EEA1: variants seen among roughly 807,000 people sequenced by gnomAD.
EEA1 encodes early endosome antigen 1, 162kD.
A neutral mutation model predicts 209.2 loss-of-function variants in EEA1; 111 were observed. That is an observed-to-expected ratio of 0.53 (90% confidence interval 0.45 to 0.62). The LOEUF (loss-of-function observed/expected upper bound fraction) is 0.62, where lower values mean the gene tolerates loss of function less well. Among genes scored for constraint, EEA1 ranks in the 20% least tolerant of loss-of-function variants. The pLI, the probability that EEA1 is intolerant of heterozygous loss-of-function variation, is 0.00. For synonymous variants in EEA1, 536 were observed against 540.6 expected, an observed-to-expected ratio of 0.99 and a Z score of 0.12; for missense variants, 1,343 against 1,530.8, an observed-to-expected ratio of 0.88 and a Z score of 2.05.
chr12:92,819,763 A>G (rs1875962248), intron 13 of EEA1, among the ~76,000 whole-genome samples: 1 of 152,062 alleles, frequency 6.6e-6, no homozygotes, highest in Non-Finnish European at 1.5e-5. Context: ...TAACACTCTA[A>G]TATGACCTCC....
chr12:92,863,034 A>G (rs1878220078), intron 3 of EEA1, among the ~76,000 whole-genome samples: 1 of 152,222 alleles, frequency 6.6e-6, no homozygotes, highest in Non-Finnish European at 1.5e-5. Context: ...ATGGTTTAGG[A>G]GGAAGTTATG....
intron 11 of EEA1, among the ~76,000 whole-genome samples, chr12:92,829,235 C>T (rs111701338): frequency 0.017 from 2,581 of 151,318 alleles, 32 homozygotes; most frequent in East Asian, 0.041. Flanking sequence ...TGAACCCGGG[C>T]GGCAGAGGTT....
intron 13 of EEA1, among the ~76,000 whole-genome samples, chr12:92,823,243 C>A (rs763937820): frequency 6.6e-6 from 1 of 152,116 alleles, no homozygotes; most frequent in Non-Finnish European, 1.5e-5. Context: ...CCTTCAATAC[C>A]TTTCCATCTT....
At chr12:92,811,094 G>A (rs1875473800) in intron 17 of EEA1, among the ~76,000 whole-genome samples, 185 bp downstream of exon 17, 1 of 151,974 alleles carries the variant, frequency 6.6e-6, no homozygotes, top group Non-Finnish European at 1.5e-5. Context: ...CATTAAGGGA[G>A]ACATTAAAAA....
At chr12:92,847,142 G>C (rs923704191) in intron 9 of EEA1, among the ~76,000 whole-genome samples, 2 of 152,082 alleles carry the variant, frequency 1.3e-5, no homozygotes, top group Admixed American at 6.6e-5. Flanking sequence ...TTTTAGTAGA[G>C]ACAGGGTTTC....
At position 92,890,448 on chromosome 12, in the gene EEA1, G is replaced by A. The variant is rs971278369; in HGVS notation, c.117+1181C>T. ...TTCCTATTTTCTCAGTTATATATAC[G>A]GTGACTGAGAGAAGGTTAAAAAGAG... On this transcript the variant is annotated intron_variant, in intron 2 of 28. Coordinates refer to ENST00000322349, the MANE Select transcript of EEA1 (RefSeq NM_003566.4). Among the ~76,000 whole-genome samples the A allele has an allele frequency of 3.9e-5, 6 of 152,040 alleles. No homozygotes were observed. The East Asian group carries it at 5.8e-4, about 15-fold the overall frequency.
intron 10 of EEA1, among the ~76,000 whole-genome samples, chr12:92,839,821 GGGCAGCAAATTACCCTGAAACTTCAT>G (rs1316313993): frequency 7.2e-5 from 11 of 152,276 alleles, no homozygotes; most frequent in Admixed American, 2.6e-4. Flanking sequence ...TGCTTGCCAA[GGGCAGCAAATTACCCTGAAACTTCAT>G]GGCAGCAAAT....
Position 92,774,389 on chromosome 12 carries a change from T to C in EEA1, c.*1622A>G, listed in dbSNP as rs80187269. ...CTTTAGTTTACATACACTGTAGGTA[T>C]AGCATGAATATAATTTCATTTCAGA... On this transcript the variant is annotated 3_prime_UTR_variant, in exon 29 of 29. Coordinates refer to ENST00000322349, the MANE Select transcript of EEA1 (RefSeq NM_003566.4). The C allele has an allele frequency of 3.2e-3, 487 of 151,632 alleles. 2 individuals are homozygous for C. Among genetic ancestry groups the C allele is most frequent in the African/African-American group, 0.011 (466 of 41,502 alleles). 9.4% of individuals were successfully genotyped at this position (151,632 alleles called of 1,614,324 possible). A position where few individuals can be genotyped will look rare whatever the true frequency, so the allele number is the denominator to read the frequency against.
At chr12:92,791,779 G>A (rs185288495) in intron 21 of EEA1, among the ~76,000 whole-genome samples, 1 of 152,244 alleles carries the variant, frequency 6.6e-6, no homozygotes, top group Admixed American at 6.5e-5. Flanking sequence ...AGACCTAACA[G>A]ACATCTACAG....
chr12:92,848,750 T>G (rs921092134), intron 9 of EEA1, among the ~76,000 whole-genome samples: 6 of 88,628 alleles, frequency 6.8e-5, no homozygotes, highest in Admixed American at 5.6e-4. Context: ...TTTTTTTTTT[T>G]GAAACAGGGT....
chr12:92,822,101 G>A (rs1476044368), intron 13 of EEA1, among the ~76,000 whole-genome samples: 1 of 151,532 alleles, frequency 6.6e-6, no homozygotes, highest in East Asian at 1.9e-4. Context: ...CAGTGGATGA[G>A]TTCCATTTCA....
intron 3 of EEA1, chr12:92,858,765 C>A: frequency 1.3e-6 from 1 of 770,350 alleles, no homozygotes. Context: ...AGAAAGTCAT[C>A]AAAGCCATTG....
In EEA1 at chr12:92,788,058, T is replaced by C. The variant is rs183775510; in HGVS notation, c.2968-9A>G. On this transcript the variant is annotated splice_polypyrimidine_tract_variant and intron_variant, in intron 21 of 28. Transcript: ENST00000322349. ...TTATTCTCAAGCTCTGTCTGAAACA[T>C]ACAATAGTTATTTAAAACAGTATGC... The C allele has an allele frequency of 4.5e-5, 70 of 1,557,484 alleles. No individual in the cohort carries two copies. The highest frequency in any genetic ancestry group is 3.3e-4 in the Admixed American group (16 of 48,982).
chr12:92,919,329 T>C (rs1486159229), intron 1 of EEA1, among the ~76,000 whole-genome samples: 4 of 147,536 alleles, frequency 2.7e-5, no homozygotes, highest in Non-Finnish European at 4.5e-5. Context: ...TTGATGAACA[T>C]TGATGCAAAA....
chr12:92,855,497 A>C (rs1877840529), intron 5 of EEA1, among the ~76,000 whole-genome samples: 1 of 147,564 alleles, frequency 6.8e-6, no homozygotes, highest in African/African-American at 2.5e-5. Context: ...TATAAGCATA[A>C]ATTTTTAATT....
intron 21 of EEA1, among the ~76,000 whole-genome samples, chr12:92,789,432 AC>A (rs1874295178): frequency 3.3e-5 from 5 of 151,958 alleles, no homozygotes; most frequent in Admixed American, 3.3e-4. Context: ...CTCCATCTGA[AC>A]TCTGGGTTCT....
In EEA1 at chr12:92,771,727, T is replaced by C. The variant is rs1873438670; in HGVS notation, c.*4284A>G. ...CATTAACAATCATCTTGCAAATGTT[T>C]AGATATAAACTAACCTCGGAGGTGA... On this transcript the variant is annotated 3_prime_UTR_variant, in exon 29 of 29. Transcript: ENST00000322349. 1 of 152,032 alleles carries C rather than the reference T, an allele frequency of 6.6e-6. No homozygotes were observed. Among genetic ancestry groups the C allele is most frequent in the African/African-American group, 2.4e-5 (1 of 41,434 alleles). 9.4% of individuals were successfully genotyped at this position (152,032 alleles called of 1,614,324 possible).
intron 13 of EEA1, among the ~76,000 whole-genome samples, chr12:92,821,519 A>G (rs1317624768): frequency 6.6e-6 from 1 of 152,186 alleles, no homozygotes; most frequent in Non-Finnish European, 1.5e-5. Context: ...AGCACTGTAA[A>G]ATCACAAAGT....
At position 92,773,437 on chromosome 12, in the gene EEA1, T is replaced by C. The variant is rs745683006; in HGVS notation, c.*2574A>G. The C allele has an allele frequency of 4.6e-5, 7 of 152,050 alleles. No homozygotes were observed. The highest frequency in any genetic ancestry group is 3.3e-4 in the Admixed American group (5 of 15,204). The allele number at this position is 152,050 out of a possible 1,614,324, so 9.4% of individuals were successfully genotyped here. A position where few individuals can be genotyped will look rare whatever the true frequency, so the allele number is the denominator to read the frequency against. ...ATGTTATTTATACACTGCATTGAGGTTTTTGTGTTTGTTTCCCTCATTTTT... is the reference window on the plus strand; with the variant it reads ...ATGTTATTTATACACTGCATTGAGGCTTTTGTGTTTGTTTCCCTCATTTTT... On this transcript the variant is annotated 3_prime_UTR_variant, in exon 29 of 29. Transcript: ENST00000322349.
Sources: allele counts gnomAD v4.1 joint callset (sites outside exome capture counted in the v4.1 genomes callset), GRCh38; gene constraint gnomAD v4.1.1; transcripts MANE v1.5; gene names NCBI Gene and HGNC (gene_info 2026-07-23, HGNC 2026-07-21).